Variants in ENPP4 observed in about 807,000 individuals in gnomAD.
ENPP4 encodes the protein bis(5'-adenosyl)-triphosphatase ENPP4.
Under a neutral mutation model 33.4 loss-of-function variants are expected in ENPP4, and 18 were observed. That is an observed-to-expected ratio of 0.54 (90% CI 0.37 to 0.80). The LOEUF is 0.80. Ranked by LOEUF, ENPP4 falls within the 30% of genes least tolerant of loss-of-function variation. The probability of loss-of-function intolerance (pLI) is 0.00; values close to 1 mark genes in which losing one functional copy is unlikely to be tolerated. For synonymous variants in ENPP4, 172 were observed against 189.9 expected, an observed-to-expected ratio of 0.91 and a Z score of 0.78; for missense variants, 480 against 541.7, an observed-to-expected ratio of 0.89 and a Z score of 1.13.
At chr6:46,141,627 T>C (rs1175420156) in intron 3 of ENPP4, among the ~76,000 whole-genome samples, 2 of 151,646 alleles carry the variant, frequency 1.3e-5, no homozygotes, top group Non-Finnish European at 3.0e-5. Context: ...ATCATTTACC[T>C]GAATGCTACA....
At chr6:46,140,991 G>C in intron 2 of ENPP4, 61 bp from the exon 3 acceptor site, 1 of 1,021,370 alleles carries the variant, frequency 9.8e-7, no homozygotes. Context: ...ATTCTAGTTA[G>C]ACATATTTTT....
chr6:46,139,934 A>C lies in ENPP4; in HGVS notation c.351A>C (p.Val117=), dbSNP rs1227553474. The C allele has an allele frequency of 3.7e-6, 6 of 1,612,696 alleles. No homozygotes were observed. The highest frequency in any genetic ancestry group is 5.1e-6 in the Non-Finnish European group (6 of 1,179,110). ...ATCCTTTTTGGTGGAATGAGGCAGT[A>C]CCTATTTGGGTGACCAATCAGCTTC... ...DKDPFWWNEA[V]PIWVTNQLQE... The change falls in exon 2 of 4, where the codon GTA becomes GTC. Residue 117 remains valine, a synonymous_variant. Transcript: ENST00000321037.
chr6:46,138,573 C>T lies in ENPP4; in HGVS notation c.-33-978C>T, dbSNP rs566663343. Among the ~76,000 whole-genome samples, 26 of 151,882 alleles carry T rather than the reference C, an allele frequency of 1.7e-4. No individual in the cohort carries two copies. In the South Asian group the frequency reaches 3.7e-3, roughly 22 times the overall value. On this transcript the variant is annotated intron_variant, in intron 1 of 3. Coordinates refer to ENST00000321037, the MANE Select transcript of ENPP4 (RefSeq NM_014936.5). ...CCCTGTCAATAATTGACCCTACCTCCGGCAACTCTCTTCACCTCCAGCCCT... is the reference window on the plus strand; with the variant it reads ...CCCTGTCAATAATTGACCCTACCTCTGGCAACTCTCTTCACCTCCAGCCCT...
At chr6:46,133,778 C>G (rs1021475488) in intron 1 of ENPP4, among the ~76,000 whole-genome samples, 1 of 152,108 alleles carries the variant, frequency 6.6e-6, no homozygotes. Context: ...TTGAGAACTT[C>G]TCATTGTTGG....
intron 1 of ENPP4, among the ~76,000 whole-genome samples, chr6:46,132,635 C>T (rs893202314): frequency 6.6e-6 from 1 of 152,026 alleles, no homozygotes; most frequent in Non-Finnish European, 1.5e-5. Context: ...CTTGGCGATG[C>T]GGGCTCTTTT....
In ENPP4 at chr6:46,139,560, T is replaced by G; in HGVS notation, c.-24T>G. ...TGTTTTTACATTTTAGGAACCCTGA[T>G]TGCTGTCCTTCAACGTGTTCATTAT... On this transcript the variant is annotated 5_prime_UTR_variant, in exon 2 of 4. Transcript: ENST00000321037. 1 of 1,195,816 alleles carries G rather than the reference T, an allele frequency of 8.4e-7. No homozygotes were observed. The highest frequency in any genetic ancestry group is 1.2e-6 in the Non-Finnish European group (1 of 808,326). 74.1% of individuals were successfully genotyped at this position (1,195,816 alleles called of 1,614,324 possible).
rs1764099686 is a variant in ENPP4 at position 46,143,528 on chromosome 6, T to C, written c.1250T>C (p.Val417Ala). 6.2e-7 allele frequency: 1 copy of C among 1,612,798 alleles called. No individual in the cohort carries two copies. The change falls in exon 4 of 4, where the codon GTG (valine) becomes GCG (alanine). Residue 417 changes from valine (V) to alanine (A), a missense_variant. This residue lies in a region of ENPP4 where 249 missense variants were observed against 251.8 expected (regional missense o/e 0.99). Coordinates refer to ENST00000321037, the MANE Select transcript of ENPP4 (RefSeq NM_014936.5). ...GCGATTGTTATCGGTTCACTCTTGG[T>C]GTTAACCATGCTAACATGCCTCATA... ...AIAIVIGSLLVLTMLTCLIII... is the reference protein window; with the variant it reads ...AIAIVIGSLLALTMLTCLIII...
At chr6:46,138,570 C>T (rs1764009216) in intron 1 of ENPP4, among the ~76,000 whole-genome samples, 1 of 151,754 alleles carries the variant, frequency 6.6e-6, no homozygotes, top group Admixed American at 6.6e-5. Flanking sequence ...TTGACCCTAC[C>T]TCCGGCAACT....
At chr6:46,141,571 TA>T (rs953518634) in intron 3 of ENPP4, among the ~76,000 whole-genome samples, 1 of 151,472 alleles carries the variant, frequency 6.6e-6, no homozygotes, top group Admixed American at 6.6e-5. Context: ...TTTTGTGTGT[TA>T]AAAAAAATTT....
chr6:46,143,680 C>G lies in ENPP4; in HGVS notation c.*40C>G, dbSNP rs780382450. 1 of 1,535,678 alleles carries G rather than the reference C, an allele frequency of 6.5e-7. No homozygotes were observed. The highest frequency in any genetic ancestry group is 1.4e-5 in the African/African-American group (1 of 72,494). On this transcript the variant is annotated 3_prime_UTR_variant, in exon 4 of 4. Transcript: ENST00000321037. The stretch of plus-strand genomic sequence containing the variant: ...TATACAAAGTGTCTTTGATTAATCA[C>G]AAAACTAAGAATACATCCAAAGAAT...
chr6:46,132,159 T>C, intron 1 of ENPP4, among the ~76,000 whole-genome samples: 1 of 152,190 alleles, frequency 6.6e-6, no homozygotes, highest in East Asian at 1.9e-4. Context: ...TTTAGTTTAA[T>C]TAGATCCCAT....
At chr6:46,137,057 T>C (rs1351074023) in intron 1 of ENPP4, among the ~76,000 whole-genome samples, 2 of 151,862 alleles carry the variant, frequency 1.3e-5, no homozygotes, top group African/African-American at 4.8e-5. Flanking sequence ...AGGGGATCTC[T>C]TTGTTACTGA....
rs1270488309 is a variant in ENPP4, at chr6:46,139,659, C to T, written c.76C>T (p.Pro26Ser). The part of the protein sequence containing the change: ...FRSDSSSSLP[P>S]KLLLVSFDGF... ...AAGTGACTCTTCCTCTAGTTTGCCA[C>T]CTAAGTTACTACTAGTATCCTTTGA... Residue 26 changes from proline (P) to serine (S), a missense_variant, in exon 2 of 4, where the codon CCT becomes TCT. Physicochemically the swap from Pro to Ser is moderately conservative, Grantham distance 74. Coordinates refer to ENST00000321037, the MANE Select transcript of ENPP4 (RefSeq NM_014936.5). The T allele has an allele frequency of 2.5e-6, 4 of 1,610,796 alleles. No homozygotes were observed. The highest frequency in any genetic ancestry group is 3.4e-6 in the Non-Finnish European group (4 of 1,177,794).
chr6:46,137,616 C>T (rs1177216768), intron 1 of ENPP4, among the ~76,000 whole-genome samples: 1 of 151,840 alleles, frequency 6.6e-6, no homozygotes, highest in Non-Finnish European at 1.5e-5. Context: ...TGTGCTATGA[C>T]TAGGGCTGTG....
chr6:46,132,377 A>G (rs1447694204), intron 1 of ENPP4, among the ~76,000 whole-genome samples: 2 of 152,226 alleles, frequency 1.3e-5, no homozygotes, highest in African/African-American at 2.4e-5. Context: ...ACATATGGCT[A>G]GCCAGTTTTC....
At chr6:46,141,979 G>A (rs1313662731) in intron 3 of ENPP4, among the ~76,000 whole-genome samples, 4 of 151,512 alleles carry the variant, frequency 2.6e-5, no homozygotes, top group African/African-American at 9.7e-5. Context: ...AACCTGTAAA[G>A]AAATTGAAGT....
rs1764041216 is a variant in ENPP4, at chr6:46,140,409, A to T, written c.826A>T (p.Asn276Tyr). The T allele has an allele frequency of 3.9e-6, 6 of 1,534,444 alleles. No homozygotes were observed. The highest frequency in any genetic ancestry group is 4.4e-6 in the Non-Finnish European group (5 of 1,135,950). ...SPVAAILPKI[N>Y]RTEVYNKLKN... ...AGTTGCTGCAATACTTCCCAAAATA[A>T]GTAAGTAAACATTCAACTGAGGGAT... The change falls in exon 2 of 4, where the codon AAT becomes TAT. Residue 276 changes from asparagine to tyrosine, a missense_variant and splice_region_variant. Coordinates refer to ENST00000321037, the MANE Select transcript of ENPP4 (RefSeq NM_014936.5).
intron 1 of ENPP4, among the ~76,000 whole-genome samples, chr6:46,136,208 G>A (rs1411518871): frequency 6.6e-6 from 1 of 151,916 alleles, no homozygotes; most frequent in Non-Finnish European, 1.5e-5. Flanking sequence ...CCAGTTGGCA[G>A]CCTGATTTAT....
chr6:46,140,148 G>C lies in ENPP4; in HGVS notation c.565G>C (p.Asp189His), dbSNP rs779430892. The change falls in exon 2 of 4, where the codon GAT (aspartate) becomes CAT (histidine). Residue 189 changes from aspartate to histidine, a missense_variant. By Grantham distance (81) the Asp-to-His change is moderately conservative (BLOSUM62 -1). Coordinates refer to ENST00000321037, the MANE Select transcript of ENPP4 (RefSeq NM_014936.5). ...TGCAACACTATATTGGGAAGAACCA[G>C]ATGCAAGTGGCCACAAATACGGACC... ...TFATLYWEEP[D>H]ASGHKYGPED... is the part of the protein sequence containing the mutation. 48 of 1,612,562 alleles carry C rather than the reference G, an allele frequency of 3.0e-5. No individual in the cohort carries two copies. The highest frequency in any genetic ancestry group is 4.0e-5 in the Non-Finnish European group (47 of 1,179,112).
Sources: gnomAD v4.1 joint callset for allele counts (sites outside exome capture counted in the v4.1 genomes callset) on GRCh38, gnomAD v4.1.1 for gene constraint, gnomAD v4.1.1 regional missense constraint, MANE v1.5 for transcripts, NCBI Gene and HGNC (gene_info 2026-07-23, HGNC 2026-07-21) for gene names.